Variants in ZNF250 observed in about 807,000 individuals in gnomAD.
ZNF250 encodes the protein zinc finger protein (clone 647).
A neutral mutation model predicts 37.1 loss-of-function variants in ZNF250; 13 were observed. That is an observed-to-expected ratio of 0.35 (90% CI 0.23 to 0.56). ZNF250 has a LOEUF of 0.56. Ranked by LOEUF, ZNF250 falls within the 20% of genes least tolerant of loss-of-function variation. ZNF250 has a pLI of 0.87. For synonymous variants in ZNF250, 251 were observed against 265.6 expected, an observed-to-expected ratio of 0.94 and a Z score of 0.54; for missense variants, 474 against 697.9, an observed-to-expected ratio of 0.68 and a Z score of 3.61.
intron 1 of ZNF250, among the ~76,000 whole-genome samples, chr8:144,896,317 A>G (rs115901121): frequency 0.025 from 3,814 of 152,164 alleles, 159 homozygotes; most frequent in African/African-American, 0.088. Context: ...ACTACACTCC[A>G]CCCTGGGCAA....
chr8:144,892,156 C>T (rs1832386846), intron 1 of ZNF250, among the ~76,000 whole-genome samples: 1 of 152,250 alleles, frequency 6.6e-6, no homozygotes, highest in Non-Finnish European at 1.5e-5. Flanking sequence ...CCCCGTGCTG[C>T]TGTTCTCCAA....
intron 5 of ZNF250, among the ~76,000 whole-genome samples, chr8:144,884,971 C>A (rs1831762763): frequency 6.6e-6 from 1 of 152,146 alleles, no homozygotes; most frequent in South Asian, 2.1e-4. Flanking sequence ...TTTTCCTAAT[C>A]TATGCAGAAA....
chr8:144,900,935 G>A (rs911990513), intron 1 of ZNF250, among the ~76,000 whole-genome samples: 97 of 152,336 alleles, frequency 6.4e-4, no homozygotes, highest in African/African-American at 2.3e-3. Context: ...CGAGGAGCGC[G>A]GCAAGAAGAG....
intron 3 of ZNF250, 108 bp from the exon 4 acceptor site, chr8:144,889,802 G>A: frequency 2.9e-5 from 42 of 1,454,138 alleles, no homozygotes; most frequent in Non-Finnish European, 3.9e-5. Flanking sequence ...ATCTTCTGCT[G>A]GAGCTGAGCA....
rs1023642586 is a variant in ZNF250 at position 144,881,406 on chromosome 8, G to A, written c.*109C>T. The A allele has an allele frequency of 6.3e-6, 9 of 1,425,592 alleles. No individual in the cohort carries two copies. The highest frequency in any genetic ancestry group is 7.4e-6 in the Non-Finnish European group (8 of 1,082,366). The allele number at this position is 1,425,592 out of a possible 1,614,324, so 88.3% of individuals were successfully genotyped here. A position where few individuals can be genotyped will look rare whatever the true frequency, so the allele number is the denominator to read the frequency against. On this transcript the variant is annotated 3_prime_UTR_variant, in exon 6 of 6. Coordinates refer to ENST00000417550, the MANE Select transcript of ZNF250 (RefSeq NM_001109689.4). Reference sequence around the variant, plus strand: ...TGGAGTTATTTTGTGACACTGAATCGCCAAAGAAAAGCTTCCTATAGAGTT... The same window carrying A: ...TGGAGTTATTTTGTGACACTGAATCACCAAAGAAAAGCTTCCTATAGAGTT...
rs1166012601 is a variant in ZNF250 at position 144,877,566 on chromosome 8, A to G, written c.*3949T>C. 1 of 152,228 alleles carries G rather than the reference A, an allele frequency of 6.6e-6. No individual in the cohort carries two copies. Among genetic ancestry groups the G allele is most frequent in the Admixed American group, 6.5e-5 (1 of 15,282 alleles). 9.4% of individuals were successfully genotyped at this position (152,228 alleles called of 1,614,324 possible). On this transcript the variant is annotated 3_prime_UTR_variant, in exon 6 of 6. Coordinates refer to ENST00000417550, the MANE Select transcript of ZNF250 (RefSeq NM_001109689.4). ...GATAGCCCACATGTTCCAGTAGGTC[A>G]TGTGCCACCTCTTTCTCCTTGGAGA...
At chr8:144,886,968 C>A in intron 4 of ZNF250, 66 bp from the exon 5 acceptor site, 1 of 1,451,008 alleles carries the variant, frequency 6.9e-7, no homozygotes, top group Non-Finnish European at 9.7e-7. Context: ...AAATCCTGGC[C>A]GGGCATGGTG....
At position 144,882,618 on chromosome 8, in the gene ZNF250, T is replaced by A. The variant is rs138822140; in HGVS notation, c.565A>T (p.Ser189Cys). Residue 189 changes from serine (S) to cysteine (C), a missense_variant, in exon 6 of 6, where the codon AGT (serine) becomes TGT (cysteine). Physicochemically the swap from Ser to Cys is moderately radical, Grantham distance 112. Around this residue, in one of 2 missense-constraint regions of ZNF250, gnomAD observed 192 missense variants for 227.5 expected, o/e 0.84. Coordinates refer to ENST00000417550, the MANE Select transcript of ZNF250 (RefSeq NM_001109689.4). This position sits in a 1 kb window ranked among gnomAD's most constrained non-coding sequence, Gnocchi z 5.5. ...MPLTPHQAVP[S>C]GERPYMCVEC... is the part of the protein sequence containing the mutation. Reference sequence around the variant, plus strand: ...ACACACATGTAGGGCCTCTCTCCACTAGGCACTGCCTGGTGCGGAGTGAGT... The same window carrying A: ...ACACACATGTAGGGCCTCTCTCCACAAGGCACTGCCTGGTGCGGAGTGAGT... 108 of 1,613,814 alleles carry A rather than the reference T, an allele frequency of 6.7e-5. 1 individual carries two copies. The African/African-American group carries it at 1.1e-3, about 17-fold the overall frequency.
In ZNF250 at chr8:144,880,530, T is replaced by A. The variant is rs1449073949; in HGVS notation, c.*985A>T. 8.8e-6 allele frequency: 4 copies of A among 456,290 alleles called. No individual in the cohort carries two copies. The highest frequency in any genetic ancestry group is 4.4e-6 in the Non-Finnish European group (1 of 226,784). 28.3% of individuals were successfully genotyped at this position (456,290 alleles called of 1,614,324 possible). A position where few individuals can be genotyped will look rare whatever the true frequency, so the allele number is the denominator to read the frequency against. On this transcript the variant is annotated 3_prime_UTR_variant, in exon 6 of 6. Transcript: ENST00000417550. ...TTGAATTTTTACTAAAAAGTTAGCA[T>A]AACCTTTCTGATCTTGAATAAAGTT...
upstream of ZNF250, chr8:144,901,989 C>T (rs1367131749): frequency 6.6e-6 from 1 of 152,418 alleles, no homozygotes; most frequent in Non-Finnish European, 1.5e-5. This position sits in a 1 kb window ranked among gnomAD's most constrained non-coding sequence, Gnocchi z 5.4. Context: ...GGCCCTTTCT[C>T]TTCCTTCGTT....
chr8:144,879,217 T>A lies in ZNF250; in HGVS notation c.*2298A>T, dbSNP rs544996780. On this transcript the variant is annotated 3_prime_UTR_variant, in exon 6 of 6. Transcript: ENST00000417550. ...CTCTGAAGTAACACCTCAGTAATATTAGTTCCTCTGGAATTTCACTTCAGT... is the reference window on the plus strand; with the variant it reads ...CTCTGAAGTAACACCTCAGTAATATAAGTTCCTCTGGAATTTCACTTCAGT... The A allele has an allele frequency of 1.3e-5, 2 of 152,368 alleles. No homozygotes were observed. The highest frequency in any genetic ancestry group is 6.5e-5 in the Admixed American group (1 of 15,306). The allele number at this position is 152,368 out of a possible 1,614,324, so 9.4% of individuals were successfully genotyped here. A position where few individuals can be genotyped will look rare whatever the true frequency, so the allele number is the denominator to read the frequency against.
intron 4 of ZNF250, among the ~76,000 whole-genome samples, chr8:144,888,577 G>C (rs1331180004): frequency 7.8e-6 from 1 of 128,002 alleles, no homozygotes; most frequent in Non-Finnish European, 1.6e-5. Flanking sequence ...CAGCCTGGGC[G>C]ACAGAGCAAG....
chr8:144,902,109 C>T (rs1020712046), upstream of ZNF250: 17 of 152,376 alleles, frequency 1.1e-4, no homozygotes, highest in Non-Finnish European at 2.2e-4. Context: ...GTGTCCGGCC[C>T]GGCGTGCTCC....
In ZNF250 at chr8:144,878,901, T is replaced by C. The variant is rs927150256; in HGVS notation, c.*2614A>G. Reference sequence around the variant, plus strand: ...GCTACTCTGCAGTACCCACTAGTGATGTCAATTCCTTTCAGAAGTAACACC... The same window carrying C: ...GCTACTCTGCAGTACCCACTAGTGACGTCAATTCCTTTCAGAAGTAACACC... On this transcript the variant is annotated 3_prime_UTR_variant, in exon 6 of 6. Coordinates refer to ENST00000417550, the MANE Select transcript of ZNF250 (RefSeq NM_001109689.4). 10 of 152,220 alleles carry C rather than the reference T, an allele frequency of 6.6e-5. No homozygotes were observed. The highest frequency in any genetic ancestry group is 1.5e-4 in the Non-Finnish European group (10 of 68,048). The allele number at this position is 152,220 out of a possible 1,614,324, so 9.4% of individuals were successfully genotyped here.
intron 4 of ZNF250, among the ~76,000 whole-genome samples, chr8:144,888,098 A>C (rs898158824): frequency 6.6e-6 from 1 of 152,222 alleles, no homozygotes; most frequent in African/African-American, 2.4e-5. Flanking sequence ...ACCTTACTGA[A>C]GTCAGAGGTT....
chr8:144,898,063 T>TG (rs1171180047), intron 1 of ZNF250, among the ~76,000 whole-genome samples: 3 of 152,170 alleles, frequency 2.0e-5, no homozygotes, highest in South Asian at 4.1e-4. Flanking sequence ...AGCCAGATTT[T>TG]GGGGGGGCCT....
chr8:144,899,420 T>A (rs568209902), intron 1 of ZNF250, among the ~76,000 whole-genome samples: 120 of 152,336 alleles, frequency 7.9e-4, no homozygotes, highest in African/African-American at 2.8e-3. Context: ...ATGTTTGAGG[T>A]GACAGACATC....
chr8:144,880,343 T>C lies in ZNF250; in HGVS notation c.*1172A>G, dbSNP rs1831379889. 1 of 430,850 alleles carries C rather than the reference T, an allele frequency of 2.3e-6. No homozygotes were observed. The highest frequency in any genetic ancestry group is 2.4e-5 in the Admixed American group (1 of 40,882). 26.7% of individuals were successfully genotyped at this position (430,850 alleles called of 1,614,324 possible). On this transcript the variant is annotated 3_prime_UTR_variant, in exon 6 of 6. Coordinates refer to ENST00000417550, the MANE Select transcript of ZNF250 (RefSeq NM_001109689.4). ...CAGCATTGTTTTGGGGGAAATACCA[T>C]AAGATGTAAAGAGGTACCCACTTGG...
rs150505900 is a variant in ZNF250 at position 144,899,963 on chromosome 8, C to A, written c.-55+1436G>T. On this transcript the variant is annotated intron_variant, in intron 1 of 5. Coordinates refer to ENST00000417550, the MANE Select transcript of ZNF250 (RefSeq NM_001109689.4). ...ATGCCTTAAGGCAAAATATTTGACT[C>A]CTAAAAATTTTAAATTTTCTATTTT... Among the ~76,000 whole-genome samples, 413 of 152,248 alleles carry A rather than the reference C, an allele frequency of 2.7e-3. 3 individuals carry two copies. Among genetic ancestry groups the A allele is most frequent in the African/African-American group, 9.3e-3 (385 of 41,558 alleles).
Sources: allele counts gnomAD v4.1 joint callset (sites outside exome capture counted in the v4.1 genomes callset), GRCh38; gene constraint gnomAD v4.1.1; regional missense constraint gnomAD v4.1.1; non-coding constraint Gnocchi (gnomAD v3.1); transcripts MANE v1.5; gene names NCBI Gene and HGNC (gene_info 2026-07-23, HGNC 2026-07-21).